The following THRB variants were observed in gnomAD, a reference collection of about 807,000 sequenced individuals.
THRB encodes the protein nuclear receptor subfamily 1 group A member 2.
Under a neutral mutation model 47.8 loss-of-function variants are expected in THRB, and 12 were observed. That is an observed-to-expected ratio of 0.25 (90% confidence interval 0.16 to 0.41). The LOEUF (loss-of-function observed/expected upper bound fraction) is 0.41. Among genes scored for constraint, THRB ranks in the 10% least tolerant of loss-of-function variants. The probability of loss-of-function intolerance (pLI) is 1.00; values close to 1 mark genes in which losing one functional copy is unlikely to be tolerated. For missense variants in THRB, 348 were observed against 589.2 expected, an observed-to-expected ratio of 0.59 and a Z score of 4.24; for synonymous variants, 218 against 212.2, an observed-to-expected ratio of 1.03 and a Z score of -0.24.
At chr3:24,310,629 A>C (rs920462129) in intron 2 of THRB, among the ~76,000 whole-genome samples, 1 of 152,190 alleles carries the variant, frequency 6.6e-6, no homozygotes, top group Non-Finnish European at 1.5e-5. Context: ...TGAGCACCAC[A>C]TTTTGGGACT....
At chr3:24,123,365 T>C (rs1043915801) in intron 10 of THRB, among the ~76,000 whole-genome samples, 1 of 152,194 alleles carries the variant, frequency 6.6e-6, no homozygotes, top group African/African-American at 2.4e-5. Flanking sequence ...CAGTTTAGCT[T>C]GAGTGTGAAT....
rs146479927 is a variant in THRB at position 24,158,210 on chromosome 3, C to T, written c.284-5720G>A. 1.2e-3 allele frequency among the ~76,000 whole-genome samples: 178 copies of T among 152,198 alleles called. 1 individual carries two copies. Among genetic ancestry groups the T allele is most frequent in the African/African-American group, 4.0e-3 (165 of 41,528 alleles). ...CTGAACCCAAATTCTCACAGTGTAACGATCAACTGAACTAGAAAGGTAGCC... is the reference window on the plus strand; with the variant it reads ...CTGAACCCAAATTCTCACAGTGTAATGATCAACTGAACTAGAAAGGTAGCC... On this transcript the variant is annotated intron_variant, in intron 5 of 10. Coordinates refer to ENST00000646209, the MANE Select transcript of THRB (RefSeq NM_001354712.2).
intron 1 of THRB, among the ~76,000 whole-genome samples, chr3:24,340,933 T>C (rs888274259): frequency 3.3e-5 from 5 of 152,174 alleles, no homozygotes; most frequent in Non-Finnish European, 7.3e-5. Context: ...GTATTTCTTA[T>C]TGTGTGAATT....
intron 3 of THRB, among the ~76,000 whole-genome samples, chr3:24,293,419 T>C (rs923345653): frequency 6.6e-5 from 10 of 152,240 alleles, no homozygotes; most frequent in Non-Finnish European, 1.2e-4. Flanking sequence ...TAGCTCATTA[T>C]GGTAATCTGT....
At chr3:24,452,786 C>G (rs1213739447) in intron 1 of THRB, among the ~76,000 whole-genome samples, 2 of 152,134 alleles carry the variant, frequency 1.3e-5, no homozygotes, top group Non-Finnish European at 2.9e-5. Flanking sequence ...ACTCTTTTTG[C>G]TATATCTGCA....
At chr3:24,137,659 G>A (rs1210225356) in intron 8 of THRB, among the ~76,000 whole-genome samples, 1 of 152,196 alleles carries the variant, frequency 6.6e-6, no homozygotes, top group African/African-American at 2.4e-5. Context: ...GCAGAGGTAG[G>A]CAGGGGGATC....
intron 1 of THRB, among the ~76,000 whole-genome samples, chr3:24,380,536 A>G (rs1207712193): frequency 6.6e-6 from 1 of 152,148 alleles, no homozygotes; most frequent in African/African-American, 2.4e-5. Flanking sequence ...TTTTCACAAC[A>G]GCCCTAAATG....
At chr3:24,126,879 A>C (rs2032926934) in intron 10 of THRB, among the ~76,000 whole-genome samples, 1 of 152,184 alleles carries the variant, frequency 6.6e-6, no homozygotes, top group African/African-American at 2.4e-5. Flanking sequence ...GGGATCTGCA[A>C]CTTCTGTTTT....
chr3:24,123,695 T>TAA (rs2032147601), intron 10 of THRB, among the ~76,000 whole-genome samples: 1 of 152,174 alleles, frequency 6.6e-6, no homozygotes, highest in African/African-American at 2.4e-5. Flanking sequence ...ATGCCTTTAG[T>TAA]AAAATTGCTA....
intron 3 of THRB, among the ~76,000 whole-genome samples, chr3:24,236,552 A>T (rs1450788655): frequency 2.0e-5 from 3 of 152,210 alleles, no homozygotes; most frequent in Admixed American, 2.0e-4. Context: ...GTCTAACTTT[A>T]AGCTTACCTG....
chr3:24,243,420 C>G (rs545709060), intron 3 of THRB, among the ~76,000 whole-genome samples: 1 of 152,194 alleles, frequency 6.6e-6, no homozygotes, highest in South Asian at 2.1e-4. Flanking sequence ...TCACCAACTC[C>G]TTCCTCTTCC....
intron 1 of THRB, among the ~76,000 whole-genome samples, chr3:24,450,038 C>T (rs1010188007): frequency 1.2e-4 from 18 of 151,328 alleles, no homozygotes; most frequent in African/African-American, 3.6e-4. Context: ...GGGAGTTAGC[C>T]GGGAAGTAAA....
intron 2 of THRB, among the ~76,000 whole-genome samples, chr3:24,310,656 C>T (rs980542303): frequency 5.3e-5 from 8 of 152,116 alleles, no homozygotes; most frequent in South Asian, 2.1e-4. Flanking sequence ...TCTAAAGCAA[C>T]GATTCTCAAC....
intron 2 of THRB, among the ~76,000 whole-genome samples, chr3:24,301,486 GA>G (rs759500320): frequency 4.6e-5 from 7 of 152,142 alleles, no homozygotes; most frequent in Non-Finnish European, 8.8e-5. Flanking sequence ...CATGTTGTAA[GA>G]CACCTATCTA....
chr3:24,341,188 G>GTTTCCTTTCATTTCT (rs71057667), intron 1 of THRB, among the ~76,000 whole-genome samples: 3 of 130,104 alleles, frequency 2.3e-5, no homozygotes, highest in African/African-American at 8.6e-5. Flanking sequence ...CTTTCCTTTC[G>GTTTCCTTTCATTTCT]TTTCCTTTCC....
intron 8 of THRB, among the ~76,000 whole-genome samples, chr3:24,135,861 T>C (rs1473737587): frequency 1.5e-5 from 2 of 136,624 alleles, no homozygotes; most frequent in African/African-American, 5.5e-5. Flanking sequence ...CATAAATATA[T>C]ATTAATTACA....
At chr3:24,151,604 T>C (rs1259633720) in intron 6 of THRB, among the ~76,000 whole-genome samples, 4 of 152,318 alleles carry the variant, frequency 2.6e-5, no homozygotes, top group South Asian at 2.1e-4. Context: ...AGACACGAAA[T>C]ACAGCACTGG....
rs190032698 is a variant in THRB, at chr3:24,406,807, A to C, written c.-260-69436T>G. ...ACATCACAATCATGCAGTTGAAAAC[A>C]GCAACAAAACAATTGGAATCAGATT... On this transcript the variant is annotated intron_variant, in intron 1 of 10. Transcript: ENST00000646209. Among the ~76,000 whole-genome samples, 136 of 152,088 alleles carry C rather than the reference A, an allele frequency of 8.9e-4. 1 individual carries two copies. The highest frequency in any genetic ancestry group is 3.2e-3 in the African/African-American group (134 of 41,554).
chr3:24,251,617 A>T (rs1162436545), intron 3 of THRB, among the ~76,000 whole-genome samples: 10 of 152,078 alleles, frequency 6.6e-5, no homozygotes, highest in Non-Finnish European at 1.3e-4. Flanking sequence ...AAAAAACATA[A>T]AGTAGGAGAA....
Sources: gnomAD v4.1 joint callset for allele counts (sites outside exome capture counted in the v4.1 genomes callset) on GRCh38, gnomAD v4.1.1 for gene constraint, MANE v1.5 for transcripts, NCBI Gene and HGNC (gene_info 2026-07-23, HGNC 2026-07-21) for gene names.